MCTP1: variants seen among roughly 807,000 people sequenced by gnomAD.
MCTP1 encodes multiple C2 and transmembrane domain-containing protein 1.
A neutral mutation model predicts 120.6 loss-of-function variants in MCTP1; 69 were observed. That is an observed-to-expected ratio of 0.57 (90% confidence interval 0.47 to 0.70). The LOEUF (loss-of-function observed/expected upper bound fraction) is 0.70. MCTP1 is among the 30% of genes least tolerant of loss of function. The probability of loss-of-function intolerance (pLI) is 0.00; values close to 1 mark genes in which losing one functional copy is unlikely to be tolerated. For missense variants in MCTP1, 1,203 were observed against 1,248.8 expected, an observed-to-expected ratio of 0.96 and a Z score of 0.55; for synonymous variants, 529 against 493.1, an observed-to-expected ratio of 1.07 and a Z score of -0.96.
chr5:94,844,449 T>G (rs574278670), intron 17 of MCTP1, among the ~76,000 whole-genome samples: 6 of 152,146 alleles, frequency 3.9e-5, no homozygotes, highest in Non-Finnish European at 8.8e-5. Context: ...AAATTTACAT[T>G]TTTTTCAACA....
chr5:95,005,948 C>T (rs1450867869), intron 2 of MCTP1, among the ~76,000 whole-genome samples: 4 of 152,046 alleles, frequency 2.6e-5, no homozygotes, highest in Admixed American at 1.3e-4. Flanking sequence ...AGGAACCAGC[C>T]CTGGGCAAGA....
chr5:95,205,045 A>T (rs1409090866), intron 1 of MCTP1, among the ~76,000 whole-genome samples: 1 of 152,182 alleles, frequency 6.6e-6, no homozygotes, highest in Non-Finnish European at 1.5e-5. Flanking sequence ...ATTTTGAGAA[A>T]GAACAAAATT....
rs536016334 is a variant in MCTP1 at position 95,153,281 on chromosome 5, C to T, written c.720+130575G>A. 1.4e-3 allele frequency among the ~76,000 whole-genome samples: 212 copies of T among 152,320 alleles called. 2 individuals are homozygous for T. Among genetic ancestry groups the T allele is most frequent in the African/African-American group, 4.6e-3 (192 of 41,576 alleles). ...TGTAATATATGCCTTGCTTCCCTTTCGCCCTCCTCCATGATTGTAAGTTTC... is the reference window on the plus strand; with the variant it reads ...TGTAATATATGCCTTGCTTCCCTTTTGCCCTCCTCCATGATTGTAAGTTTC... On this transcript the variant is annotated intron_variant, in intron 1 of 22. Transcript: ENST00000515393.
At chr5:94,710,083 C>T (rs1007765461) in intron 21 of MCTP1, 3 of 151,888 alleles carry the variant, frequency 2.0e-5, no homozygotes, top group South Asian at 2.1e-4. Flanking sequence ...TCTTCTACCC[C>T]GTCTAGTTTA....
intron 1 of MCTP1, among the ~76,000 whole-genome samples, chr5:95,100,186 G>T (rs928917564): frequency 6.6e-6 from 1 of 151,700 alleles, no homozygotes; most frequent in Non-Finnish European, 1.5e-5. Flanking sequence ...TGACGAGTTA[G>T]TGGGTGCAGC....
At chr5:94,897,928 A>C (rs1337043923) in intron 10 of MCTP1, among the ~76,000 whole-genome samples, 1 of 152,196 alleles carries the variant, frequency 6.6e-6, no homozygotes, top group Non-Finnish European at 1.5e-5. Flanking sequence ...GTATGAAAAT[A>C]TGTTATTTTT....
chr5:94,812,943 T>TGTGC (rs1783751430), intron 17 of MCTP1, among the ~76,000 whole-genome samples: 2 of 152,074 alleles, frequency 1.3e-5, no homozygotes, highest in Admixed American at 6.6e-5. Flanking sequence ...TGTCTGTGTG[T>TGTGC]GTGCGTGCGT....
At chr5:95,099,886 A>C (rs1756591148) in intron 1 of MCTP1, among the ~76,000 whole-genome samples, 1 of 151,188 alleles carries the variant, frequency 6.6e-6, no homozygotes, top group South Asian at 2.1e-4. Context: ...ATGTCCAACA[A>C]TGATAGACTG....
At position 94,706,473 on chromosome 5, in the gene MCTP1, C is replaced by T. The variant is rs1225961913; in HGVS notation, c.*1023G>A. 2 of 151,296 alleles carry T rather than the reference C, an allele frequency of 1.3e-5. No individual in the cohort carries two copies. Among genetic ancestry groups the T allele is most frequent in the East Asian group, 3.9e-4 (2 of 5,144 alleles). The allele number at this position is 151,296 out of a possible 1,614,324, so 9.4% of individuals were successfully genotyped here. A position where few individuals can be genotyped will look rare whatever the true frequency, so the allele number is the denominator to read the frequency against. ...TTTTTAATAAATGAATGTAGTGAAA[C>T]ACTGGCATATCACTTAGCACACTGA... On this transcript the variant is annotated 3_prime_UTR_variant, in exon 23 of 23. Transcript: ENST00000515393.
At chr5:95,012,461 G>C (rs928794780) in intron 2 of MCTP1, among the ~76,000 whole-genome samples, 81 of 152,056 alleles carry the variant, frequency 5.3e-4, no homozygotes, top group African/African-American at 1.8e-3. Context: ...GCGCTTCCAA[G>C]GGTTTCTGTT....
rs1754434779 is a variant in MCTP1, at chr5:94,705,857, G to A, written c.*1639C>T. ...TAGCAACAAACAGTGATGGTATGCA[G>A]ACAGAAGCATGTCATTTTAAACATG... On this transcript the variant is annotated 3_prime_UTR_variant, in exon 23 of 23. Transcript: ENST00000515393. 1 of 151,600 alleles carries A rather than the reference G, an allele frequency of 6.6e-6. No homozygotes were observed. Among genetic ancestry groups the A allele is most frequent in the Non-Finnish European group, 1.5e-5 (1 of 67,720 alleles). The allele number at this position is 151,600 out of a possible 1,614,324, so 9.4% of individuals were successfully genotyped here.
intron 17 of MCTP1, among the ~76,000 whole-genome samples, chr5:94,806,109 T>G (rs1034442457): frequency 6.6e-6 from 1 of 151,874 alleles, no homozygotes; most frequent in Non-Finnish European, 1.5e-5. Context: ...GAGCCAATTT[T>G]ATTCTTCCTT....
At chr5:94,920,093 C>T (rs1811157699) in intron 7 of MCTP1, among the ~76,000 whole-genome samples, 1 of 152,212 alleles carries the variant, frequency 6.6e-6, no homozygotes, top group South Asian at 2.1e-4. Context: ...ACTATCCTCT[C>T]TAACTTTAAT....
At chr5:95,006,457 C>A (rs1834784141) in intron 2 of MCTP1, among the ~76,000 whole-genome samples, 1 of 151,878 alleles carries the variant, frequency 6.6e-6, no homozygotes, top group Non-Finnish European at 1.5e-5. Flanking sequence ...TAAAAAATTT[C>A]CCAATGGCAA....
intron 5 of MCTP1, among the ~76,000 whole-genome samples, chr5:94,939,393 T>C (rs955586096): frequency 1.3e-5 from 2 of 152,006 alleles, no homozygotes; most frequent in Admixed American, 6.6e-5. Context: ...TGGAAGCACA[T>C]TGAGTCCAAT....
At chr5:94,981,648 G>C (rs776338595) in intron 2 of MCTP1, among the ~76,000 whole-genome samples, 18 of 152,158 alleles carry the variant, frequency 1.2e-4, no homozygotes, top group Non-Finnish European at 2.1e-4. Context: ...GGGTAAAGGC[G>C]TGGTGGTCAG....
chr5:95,261,696 C>T (rs1376165256), intron 1 of MCTP1, among the ~76,000 whole-genome samples: 1 of 152,232 alleles, frequency 6.6e-6, no homozygotes, highest in African/African-American at 2.4e-5. Flanking sequence ...ATTGTTTCTT[C>T]CTAAAATTTA....
intron 1 of MCTP1, among the ~76,000 whole-genome samples, chr5:95,145,886 G>A (rs2152449098): frequency 6.6e-6 from 1 of 152,246 alleles, no homozygotes; most frequent in South Asian, 2.1e-4. Flanking sequence ...TTGATATCAG[G>A]ATGATACTGG....
At position 94,912,466 on chromosome 5, in the gene MCTP1, A is replaced by AG. The variant is rs760957086; in HGVS notation, c.1521+339dup. Among the ~76,000 whole-genome samples, 177 of 92,092 alleles carry AG rather than the reference A, an allele frequency of 1.9e-3. 55 individuals carry two copies. Among genetic ancestry groups the AG allele is most frequent in the Non-Finnish European group, 3.1e-3 (133 of 42,798 alleles). 60.4% of individuals were successfully genotyped at this position (92,092 alleles called of 152,430 possible). A position where few individuals can be genotyped will look rare whatever the true frequency, so the allele number is the denominator to read the frequency against. ...AAAAAAAAAAAAAAAAAAAAAAAAA[A>AG]GCCGCACTCTGAGTACTTTATGTGC... is the stretch of plus-strand genomic sequence containing the variant. On this transcript the variant is annotated intron_variant, in intron 9 of 22. Coordinates refer to ENST00000515393, the MANE Select transcript of MCTP1 (RefSeq NM_024717.7).
Sources: allele counts gnomAD v4.1 joint callset (sites outside exome capture counted in the v4.1 genomes callset), GRCh38; gene constraint gnomAD v4.1.1; transcripts MANE v1.5; gene names NCBI Gene and HGNC (gene_info 2026-07-23, HGNC 2026-07-21).